Variants in STOX1 observed in about 807,000 individuals in gnomAD.
STOX1 encodes the protein storkhead-box protein 1.
In STOX1, 57 loss-of-function variants were observed where a neutral mutation model predicts 74.8. The ratio of observed to expected loss-of-function variants is 0.76; its 90% CI spans 0.62 to 0.95. The LOEUF is 0.95. STOX1 is among the 40% of genes least tolerant of loss of function. The pLI, the probability that STOX1 is intolerant of heterozygous loss-of-function variation, is 0.00. For synonymous variants in STOX1, 375 were observed against 401.3 expected (o/e 0.93, Z 0.78); for missense variants, 1,010 against 1,117.0 (o/e 0.90, Z 1.37).
chr10:68,882,682 A>G (rs1272283392), intron 2 of STOX1, among the ~76,000 whole-genome samples: 1 of 151,924 alleles, frequency 6.6e-6, no homozygotes, highest in Non-Finnish European at 1.5e-5. Context: ...TATTTTTAGT[A>G]GAGATGGGGT....
chr10:68,885,272 A>C lies in STOX1; in HGVS notation c.1476A>C (p.Arg492=). ...GTTCCCATTTGATTTACAAAAAGCG[A>C]ATCAGTAATCCTTTCCAGGGTTTGT... ...VLGSHLIYKK[R]ISNPFQGLSH... is the part of the protein sequence containing the mutation. Residue 492 remains arginine (R), a synonymous_variant, in exon 3 of 4, where the codon CGA becomes CGC. Transcript: ENST00000298596. The C allele has an allele frequency of 6.2e-7, 1 of 1,614,244 alleles. No homozygotes were observed. Among genetic ancestry groups the C allele is most frequent in the Non-Finnish European group, 8.5e-7 (1 of 1,180,044 alleles).
chr10:68,856,231 C>CT (rs775169788), intron 1 of STOX1, among the ~76,000 whole-genome samples: 41 of 152,184 alleles, frequency 2.7e-4, no homozygotes, highest in South Asian at 6.2e-4. Flanking sequence ...TTAAACTCCT[C>CT]TTTTTTTCCA....
intron 2 of STOX1, among the ~76,000 whole-genome samples, chr10:68,883,892 T>G (rs1840871339): frequency 6.6e-6 from 1 of 151,910 alleles, no homozygotes; most frequent in Admixed American, 6.6e-5. Flanking sequence ...GGCTAATGTT[T>G]AAAAATTTTT....
At chr10:68,880,679 T>C (rs1034500107) in intron 1 of STOX1, among the ~76,000 whole-genome samples, 4 of 152,168 alleles carry the variant, frequency 2.6e-5, no homozygotes, top group Non-Finnish European at 5.9e-5. Context: ...TTTTTGTTTT[T>C]TGTTTTTTTT....
chr10:68,830,387 G>C (rs1428690592), intron 1 of STOX1, among the ~76,000 whole-genome samples: 1 of 152,042 alleles, frequency 6.6e-6, no homozygotes, highest in African/African-American at 2.4e-5. Context: ...CTGCTGCTCA[G>C]GCTGGAGTGC....
intron 1 of STOX1, among the ~76,000 whole-genome samples, chr10:68,880,808 C>G (rs926507138): frequency 6.6e-6 from 1 of 152,218 alleles, no homozygotes; most frequent in Admixed American, 6.5e-5. Flanking sequence ...ATTCTCCTGC[C>G]TCAGCCTCCT....
chr10:68,845,109 TC>T (rs944023536), intron 1 of STOX1, among the ~76,000 whole-genome samples: 20 of 151,262 alleles, frequency 1.3e-4, no homozygotes, highest in African/African-American at 2.4e-4. Flanking sequence ...ATGTTTTAAT[TC>T]TTTTTTCTTC....
intron 1 of STOX1, among the ~76,000 whole-genome samples, chr10:68,856,226 C>A (rs1168420838): frequency 6.6e-6 from 1 of 152,106 alleles, no homozygotes; most frequent in Non-Finnish European, 1.5e-5. Context: ...TGTTTTTAAA[C>A]TCCTCTTTTT....
At chr10:68,865,032 T>G (rs1266963547) in intron 1 of STOX1, among the ~76,000 whole-genome samples, 1 of 152,198 alleles carries the variant, frequency 6.6e-6, no homozygotes, top group South Asian at 2.1e-4. Flanking sequence ...GAGCTATAAT[T>G]AAACCGGCAC....
At chr10:68,886,940 G>T (rs1174799380) in intron 3 of STOX1, among the ~76,000 whole-genome samples, 1 of 151,066 alleles carries the variant, frequency 6.6e-6, no homozygotes, top group African/African-American at 2.4e-5. Flanking sequence ...GAAAAAAAAA[G>T]AAAATGGCTG....
chr10:68,881,827 C>G (rs1840819001), intron 1 of STOX1, 131 bp from the exon 2 acceptor site: 1 of 1,017,242 alleles, frequency 9.8e-7, no homozygotes, highest in Non-Finnish European at 1.5e-6. Flanking sequence ...TTAACAGATT[C>G]TGAGTAAAGA....
chr10:68,851,299 TAAAAAAAAAA>T (rs35166698), intron 1 of STOX1, among the ~76,000 whole-genome samples: 45 of 108,652 alleles, frequency 4.1e-4, no homozygotes, highest in African/African-American at 1.3e-3. Context: ...TGAGACTTTC[TAAAAAAAAAA>T]AAAAAAAGAA....
intron 1 of STOX1, among the ~76,000 whole-genome samples, chr10:68,850,713 C>T (rs1252106178): frequency 6.6e-6 from 1 of 152,240 alleles, no homozygotes; most frequent in Non-Finnish European, 1.5e-5. Flanking sequence ...GTGGCTCACG[C>T]CTGTAATCCC....
downstream of STOX1, among the ~76,000 whole-genome samples, chr10:68,894,571 A>G (rs1021223342): frequency 2.6e-5 from 4 of 152,204 alleles, no homozygotes; most frequent in Admixed American, 2.6e-4. Flanking sequence ...ATTGTTGTCA[A>G]AACAACAGTG....
chr10:68,860,705 G>A (rs1213961175), intron 1 of STOX1, among the ~76,000 whole-genome samples: 1 of 152,016 alleles, frequency 6.6e-6, no homozygotes, highest in Non-Finnish European at 1.5e-5. Flanking sequence ...ATTTGATTGG[G>A]TGTGTGTGTT....
chr10:68,851,371 C>G (rs1361482078), intron 1 of STOX1, among the ~76,000 whole-genome samples: 1 of 150,628 alleles, frequency 6.6e-6, no homozygotes, highest in East Asian at 1.9e-4. Flanking sequence ...TAAGAGTAAA[C>G]TTAATTGTGT....
At chr10:68,867,667 T>A (rs1840443375) in intron 1 of STOX1, among the ~76,000 whole-genome samples, 1 of 152,180 alleles carries the variant, frequency 6.6e-6, no homozygotes, top group Admixed American at 6.5e-5. Flanking sequence ...ATCACACTCC[T>A]CTCCTTCATC....
chr10:68,872,808 A>G (rs1460136939), intron 1 of STOX1, among the ~76,000 whole-genome samples: 2 of 152,096 alleles, frequency 1.3e-5, no homozygotes, highest in Non-Finnish European at 1.5e-5. Context: ...AATCAGATTC[A>G]AGCATCCTGA....
At chr10:68,889,300 A>C (rs2132004784) in intron 3 of STOX1, among the ~76,000 whole-genome samples, 1 of 152,086 alleles carries the variant, frequency 6.6e-6, no homozygotes. Flanking sequence ...TTTTTTGATC[A>C]CTTCTCGGCC....
Sources: gnomAD v4.1 joint callset for allele counts (sites outside exome capture counted in the v4.1 genomes callset) on GRCh38, gnomAD v4.1.1 for gene constraint, MANE v1.5 for transcripts, NCBI Gene and HGNC (gene_info 2026-07-23, HGNC 2026-07-21) for gene names.